ABCB5: variants seen among roughly 807,000 people sequenced by gnomAD.
The protein encoded by ABCB5 is ATP-binding cassette sub-family B member 5.
In ABCB5, 155 loss-of-function variants were observed where a neutral mutation model predicts 144.2. The ratio of observed to expected loss-of-function variants is 1.08; its 90% CI spans 0.94 to 1.23. ABCB5 has a LOEUF of 1.23. Ranked by LOEUF, ABCB5 falls within the 50% of genes most tolerant of loss-of-function variation. The pLI is 0.00. For missense variants in ABCB5, 1,830 were observed against 1,520.8 expected, an observed-to-expected ratio of 1.20 and a Z score of -3.38; for synonymous variants, 610 against 528.6, an observed-to-expected ratio of 1.15 and a Z score of -2.11.
chr7:20,753,244 G>C, intron 26 of ABCB5, 116 bp from the exon 27 acceptor site: 2 of 1,278,756 alleles, frequency 1.6e-6, no homozygotes, highest in Non-Finnish European at 2.1e-6. Flanking sequence ...CATTTGTTGG[G>C]ACACAAATTT....
At chr7:20,714,741 T>C (rs890200207) in intron 20 of ABCB5, among the ~76,000 whole-genome samples, 4 of 152,170 alleles carry the variant, frequency 2.6e-5, no homozygotes, top group Non-Finnish European at 4.4e-5. Context: ...CCAAGCTTAT[T>C]AAGCAAGCAA....
chr7:20,677,199 A>T (rs1369262073), intron 14 of ABCB5, among the ~76,000 whole-genome samples: 1 of 152,200 alleles, frequency 6.6e-6, no homozygotes, highest in African/African-American at 2.4e-5. Flanking sequence ...TAAATTAAAA[A>T]TATAAAGGGA....
At chr7:20,695,995 A>G (rs769446398) in intron 16 of ABCB5, among the ~76,000 whole-genome samples, 3 of 152,046 alleles carry the variant, frequency 2.0e-5, no homozygotes, top group Non-Finnish European at 4.4e-5. Context: ...TACTTTGGAA[A>G]ATAATTTGTC....
At chr7:20,672,785 A>G (rs777953039) in intron 14 of ABCB5, among the ~76,000 whole-genome samples, 1 of 152,152 alleles carries the variant, frequency 6.6e-6, no homozygotes, top group Non-Finnish European at 1.5e-5. Flanking sequence ...TGAAAAAATT[A>G]TCTTTTCTAC....
At chr7:20,631,282 T>C (rs1188875821) in intron 4 of ABCB5, among the ~76,000 whole-genome samples, 1 of 152,148 alleles carries the variant, frequency 6.6e-6, no homozygotes, top group Non-Finnish European at 1.5e-5. Flanking sequence ...AATTTTGGTA[T>C]TTTTTCCTAC....
At chr7:20,645,054 T>C (rs1248832462) in intron 7 of ABCB5, among the ~76,000 whole-genome samples, 1 of 152,222 alleles carries the variant, frequency 6.6e-6, no homozygotes, top group African/African-American at 2.4e-5. Flanking sequence ...AATTCTATTA[T>C]TGTATTCATT....
intron 16 of ABCB5, 76 bp from the exon 17 acceptor site, chr7:20,698,330 GT>G (rs1786493954): frequency 1.5e-6 from 2 of 1,299,500 alleles, no homozygotes; most frequent in African/African-American, 1.5e-5. Context: ...TTATAATTCT[GT>G]TTATGATGGG....
At chr7:20,652,219 C>T (rs78879263) in intron 13 of ABCB5, among the ~76,000 whole-genome samples, 4,572 of 152,136 alleles carry the variant, frequency 0.03, 260 homozygotes, top group African/African-American at 0.1. Context: ...TGTGACAAAC[C>T]ACAAGAAAAA....
intron 14 of ABCB5, among the ~76,000 whole-genome samples, chr7:20,669,152 G>A (rs1385393685): frequency 0.015 from 2,222 of 147,776 alleles, no homozygotes; most frequent in African/African-American, 0.055. Context: ...GGAGGTGAGG[G>A]GCGCTTCTGC....
intron 5 of ABCB5, among the ~76,000 whole-genome samples, chr7:20,639,165 G>A (rs1039350128): frequency 1.1e-4 from 17 of 152,122 alleles, no homozygotes; most frequent in African/African-American, 3.9e-4. Context: ...TTGGTGAAAA[G>A]TCTATTCAAA....
At chr7:20,617,089 T>A (rs1273609003) in intron 1 of ABCB5, among the ~76,000 whole-genome samples, 1 of 152,220 alleles carries the variant, frequency 6.6e-6, no homozygotes, top group Non-Finnish European at 1.5e-5. Context: ...TACCAAAAAC[T>A]GACCACTCTC....
intron 16 of ABCB5, among the ~76,000 whole-genome samples, chr7:20,695,496 C>T (rs1786380577): frequency 6.6e-6 from 1 of 151,790 alleles, no homozygotes; most frequent in African/African-American, 2.4e-5. Context: ...ATCTTCACGA[C>T]TTTGTGTTAA....
At chr7:20,739,561 C>A (rs1304334573) in intron 24 of ABCB5, among the ~76,000 whole-genome samples, 1 of 151,858 alleles carries the variant, frequency 6.6e-6, no homozygotes, top group Admixed American at 6.6e-5. Context: ...ACCTCTACAA[C>A]TAAAATTTAT....
chr7:20,729,283 A>G (rs1283008702), intron 23 of ABCB5, among the ~76,000 whole-genome samples: 6 of 152,354 alleles, frequency 3.9e-5, no homozygotes, highest in Non-Finnish European at 2.9e-5. Context: ...TGTGGGGGCA[A>G]AATATGCCTT....
At chr7:20,716,322 T>C (rs1479634249) in intron 20 of ABCB5, among the ~76,000 whole-genome samples, 1 of 152,196 alleles carries the variant, frequency 6.6e-6, no homozygotes, top group African/African-American at 2.4e-5. Context: ...CTTGATAATA[T>C]TTAGATAAAA....
At chr7:20,672,786 T>A (rs1381619147) in intron 14 of ABCB5, among the ~76,000 whole-genome samples, 1 of 152,212 alleles carries the variant, frequency 6.6e-6, no homozygotes, top group African/African-American at 2.4e-5. Flanking sequence ...GAAAAAATTA[T>A]CTTTTCTACA....
intron 19 of ABCB5, among the ~76,000 whole-genome samples, chr7:20,702,338 A>G (rs1023819370): frequency 1.3e-5 from 2 of 152,164 alleles, no homozygotes; most frequent in African/African-American, 2.4e-5. Context: ...GGTTCTTTAA[A>G]TTATGATAGC....
intron 20 of ABCB5, among the ~76,000 whole-genome samples, chr7:20,712,417 C>T (rs1416190543): frequency 6.7e-6 from 1 of 148,860 alleles, no homozygotes; most frequent in Non-Finnish European, 1.5e-5. Context: ...ATAGTTTTCA[C>T]CAAATTTTAA....
At chr7:20,622,118 T>A (rs78019691) in intron 1 of ABCB5, among the ~76,000 whole-genome samples, 6,505 of 152,194 alleles carry the variant, frequency 0.043, 479 homozygotes, top group African/African-American at 0.15. Flanking sequence ...TTATTGAGAA[T>A]AGAACGCATA....
Sources: gnomAD v4.1 joint callset for allele counts (sites outside exome capture counted in the v4.1 genomes callset) on GRCh38, gnomAD v4.1.1 for gene constraint, MANE v1.5 for transcripts, NCBI Gene and HGNC (gene_info 2026-07-23, HGNC 2026-07-21) for gene names.